The following SRPK2 variants were observed in gnomAD, a reference collection of about 807,000 sequenced individuals.
SRPK2 encodes the protein SRSF protein kinase 2.
A neutral mutation model predicts 90.8 loss-of-function variants in SRPK2; 21 were observed. The ratio of observed to expected loss-of-function variants is 0.23; its 90% CI spans 0.16 to 0.33. The LOEUF is 0.33. Among genes scored for constraint, SRPK2 ranks in the 10% least tolerant of loss-of-function variants. The pLI, the probability that SRPK2 is intolerant of heterozygous loss-of-function variation, is 1.00. For missense variants in SRPK2, 620 were observed against 869.0 expected (o/e 0.71, Z 3.60); for synonymous variants, 288 against 311.1 (o/e 0.93, Z 0.78).
At chr7:105,367,760 G>T (rs1819237790) in intron 2 of SRPK2, among the ~76,000 whole-genome samples, 1 of 152,120 alleles carries the variant, frequency 6.6e-6, no homozygotes, top group African/African-American at 2.4e-5. Flanking sequence ...CACACATTTT[G>T]TGTACATTTC....
rs146311003 is a variant in SRPK2 at position 105,192,005 on chromosome 7, T to C, written c.229+11623A>G. On this transcript the variant is annotated intron_variant, in intron 3 of 15. Coordinates refer to ENST00000393651, the MANE Select transcript of SRPK2 (RefSeq NM_182692.3). ...CTAGGATTACAGGTGTAAGCCACCA[T>C]GCCTGGTCCACTTATTCCTTTTAAA... Among the ~76,000 whole-genome samples, 165 of 151,728 alleles carry C rather than the reference T, an allele frequency of 1.1e-3. 1 individual carries two copies. The highest frequency in any genetic ancestry group is 3.9e-3 in the African/African-American group (161 of 41,388).
rs1177735076 is a variant in SRPK2, at chr7:105,227,751, CAT to C, written c.72-23968_72-23967del. Among the ~76,000 whole-genome samples, 7 of 152,042 alleles carry C rather than the reference CAT, an allele frequency of 4.6e-5. No individual in the cohort carries two copies. The South Asian group carries it at 1.2e-3, about 27-fold the overall frequency. ...GGTATTTATCCAGTAGATATAAAAA[CAT>C]ATATTCACTCAAAAACATGTACATG... On this transcript the variant is annotated intron_variant, in intron 2 of 15. Transcript: ENST00000393651.
At chr7:105,201,289 A>G (rs900852872) in intron 3 of SRPK2, among the ~76,000 whole-genome samples, 3 of 152,122 alleles carry the variant, frequency 2.0e-5, no homozygotes, top group Non-Finnish European at 4.4e-5. Flanking sequence ...TTACTTACCA[A>G]ATTTGGGGGG....
At chr7:105,370,718 T>C (rs1167618454) in intron 2 of SRPK2, among the ~76,000 whole-genome samples, 1 of 149,154 alleles carries the variant, frequency 6.7e-6, no homozygotes, top group Non-Finnish European at 1.5e-5. Context: ...CAGGTTCAAA[T>C]GATTCTCATG....
intron 15 of SRPK2, among the ~76,000 whole-genome samples, chr7:105,124,412 G>A (rs1191674890): frequency 6.6e-6 from 1 of 152,064 alleles, no homozygotes; most frequent in Non-Finnish European, 1.5e-5. Flanking sequence ...AGGCCGAGGT[G>A]GGTGGATCAC....
chr7:105,304,400 A>C (rs10250696), intron 2 of SRPK2: 1 of 152,220 alleles, frequency 6.6e-6, no homozygotes, highest in African/African-American at 2.4e-5. Context: ...ATCCTAAAGA[A>C]GACCTTGGGG....
At chr7:105,197,131 C>T (rs142517715) in intron 3 of SRPK2, among the ~76,000 whole-genome samples, 406 of 151,984 alleles carry the variant, frequency 2.7e-3, no homozygotes, top group African/African-American at 9.3e-3. Flanking sequence ...AGGAGGGATG[C>T]CAATGACAGC....
intron 7 of SRPK2, among the ~76,000 whole-genome samples, chr7:105,152,468 T>C (rs1439379413): frequency 6.6e-6 from 1 of 152,096 alleles, no homozygotes; most frequent in African/African-American, 2.4e-5. Flanking sequence ...TATTTTTAAA[T>C]GGTTTTATTT....
chr7:105,361,669 C>T (rs1249789377), intron 2 of SRPK2, among the ~76,000 whole-genome samples: 1 of 152,078 alleles, frequency 6.6e-6, no homozygotes, highest in Non-Finnish European at 1.5e-5. Context: ...GAAATACCAC[C>T]GCACATCTAC....
chr7:105,225,032 T>A (rs1798545794), intron 2 of SRPK2, among the ~76,000 whole-genome samples: 1 of 152,056 alleles, frequency 6.6e-6, no homozygotes, highest in Non-Finnish European at 1.5e-5. Flanking sequence ...ACTGCCACCA[T>A]CAAAAAACTG....
At chr7:105,394,590 A>C (rs4727622) in intron 1 of SRPK2, among the ~76,000 whole-genome samples, 29,389 of 152,234 alleles carry the variant, frequency 0.19, 3,565 homozygotes, top group East Asian at 0.59. Context: ...TCAGTTCGAT[A>C]ATCAAATAAG....
At chr7:105,191,852 T>C (rs978964353) in intron 3 of SRPK2, among the ~76,000 whole-genome samples, 1 of 148,062 alleles carries the variant, frequency 6.8e-6, no homozygotes, top group Non-Finnish European at 1.5e-5. Context: ...CTGGTTCTTT[T>C]TATCCTTTTG....
intron 2 of SRPK2, among the ~76,000 whole-genome samples, chr7:105,377,419 G>A (rs1271700484): frequency 6.7e-6 from 1 of 149,066 alleles, no homozygotes; most frequent in African/African-American, 2.4e-5. Context: ...CAGGCTGGGC[G>A]CGGTGGCTCA....
At chr7:105,236,469 G>A (rs1800155803) in intron 2 of SRPK2, among the ~76,000 whole-genome samples, 1 of 151,922 alleles carries the variant, frequency 6.6e-6, no homozygotes, top group South Asian at 2.1e-4. Flanking sequence ...CTTACAGGCA[G>A]CAGATTCACT....
At position 105,280,606 on chromosome 7, in the gene SRPK2, T is replaced by C. The variant is rs73407843; in HGVS notation, c.72-76821A>G. Among the ~76,000 whole-genome samples the C allele has an allele frequency of 5.0e-3, 712 of 141,924 alleles. 11 individuals carry two copies. The highest frequency in any genetic ancestry group is 0.018 in the African/African-American group (681 of 37,040). The allele number at this position is 141,924 out of a possible 152,430, so 93.1% of individuals were successfully genotyped here. ...TTCATTATGTTAAGAGGTGGTAAAA[T>C]GATTGTGGGAGGCTATTTACATGTA... On this transcript the variant is annotated intron_variant, in intron 2 of 15. Transcript: ENST00000393651.
rs191695690 is a variant in SRPK2 at position 105,221,596 on chromosome 7, C to T, written c.72-17811G>A. Among the ~76,000 whole-genome samples, 256 of 152,324 alleles carry T rather than the reference C, an allele frequency of 1.7e-3. 2 individuals are homozygous for T. The highest frequency in any genetic ancestry group is 5.9e-3 in the African/African-American group (244 of 41,568). On this transcript the variant is annotated intron_variant, in intron 2 of 15. Coordinates refer to ENST00000393651, the MANE Select transcript of SRPK2 (RefSeq NM_182692.3). ...AGCATCACGGAGCATTCTGTCACTA[C>T]TGCCTCAATTTCCATCCCTGAAACA...
At chr7:105,346,285 T>C (rs892894458) in intron 2 of SRPK2, among the ~76,000 whole-genome samples, 3 of 152,208 alleles carry the variant, frequency 2.0e-5, no homozygotes, top group African/African-American at 7.2e-5. Flanking sequence ...CATTCACAAC[T>C]GCAGTATTTC....
At chr7:105,178,782 C>A (rs1016204246) in intron 3 of SRPK2, among the ~76,000 whole-genome samples, 2 of 152,042 alleles carry the variant, frequency 1.3e-5, no homozygotes, top group Admixed American at 1.3e-4. Context: ...GCACTCCAAC[C>A]TGGGAGACAA....
intron 2 of SRPK2, among the ~76,000 whole-genome samples, chr7:105,363,382 C>G (rs1818657309): frequency 6.6e-6 from 1 of 152,126 alleles, no homozygotes; most frequent in Non-Finnish European, 1.5e-5. Context: ...TGAACAGACA[C>G]TTCTCAAAAG....
Sources: gnomAD v4.1 joint callset for allele counts (sites outside exome capture counted in the v4.1 genomes callset) on GRCh38, gnomAD v4.1.1 for gene constraint, MANE v1.5 for transcripts, NCBI Gene and HGNC (gene_info 2026-07-23, HGNC 2026-07-21) for gene names.